Variants in PDE1B observed in about 807,000 individuals in gnomAD.
PDE1B encodes the protein dual specificity calcium/calmodulin-dependent 3',5'-cyclic nucleotide phosphodiesterase 1B.
Under a neutral mutation model 66.7 loss-of-function variants are expected in PDE1B, and 13 were observed. The observed-to-expected ratio is 0.19, with a 90% CI of 0.13 to 0.31. The LOEUF is 0.31. Among genes scored for constraint, PDE1B ranks in the 10% least tolerant of loss-of-function variants. The probability of loss-of-function intolerance (pLI) is 1.00; values close to 1 mark genes in which losing one functional copy is unlikely to be tolerated. For missense variants in PDE1B, 485 were observed against 682.3 expected (o/e 0.71, Z 3.22); for synonymous variants, 230 against 253.9 (o/e 0.91, Z 0.90).
chr12:54,550,003 G>C lies in PDE1B; in HGVS notation c.113+18G>C. On this transcript the variant is annotated intron_variant, in intron 2 of 15. Transcript: ENST00000243052. Reference sequence around the variant, plus strand: ...CGGTCTCTGTAAGTCCCCGGCCCGGGAATGGGGGGAAGGGACCTTAGGGAG... The same window carrying C: ...CGGTCTCTGTAAGTCCCCGGCCCGGCAATGGGGGGAAGGGACCTTAGGGAG... 1 of 1,612,640 alleles carries C rather than the reference G, an allele frequency of 6.2e-7. No individual in the cohort carries two copies. The highest frequency in any genetic ancestry group is 8.5e-7 in the Non-Finnish European group (1 of 1,179,156).
rs112086293 is a variant in PDE1B at position 54,567,859 on chromosome 12, TA to T, written c.227+773del. ...TGTAAGATATTCATATATATATATA[TA>T]TATTTTTTTGTTTTGAGACAGAGTT... On this transcript the variant is annotated intron_variant, in intron 3 of 15. Transcript: ENST00000243052. 5.2e-3 allele frequency among the ~76,000 whole-genome samples: 591 copies of T among 113,482 alleles called. 3 individuals are homozygous for T. Among genetic ancestry groups the T allele is most frequent in the African/African-American group, 0.014 (493 of 34,804 alleles). 74.4% of individuals were successfully genotyped at this position (113,482 alleles called of 152,430 possible).
In PDE1B at chr12:54,573,420, T is replaced by C. The variant is rs1448906835; in HGVS notation, c.902T>C (p.Phe301Ser). Residue 301 changes from phenylalanine to serine, a missense_variant, in exon 9 of 16, where the codon TTC becomes TCC. Coordinates refer to ENST00000243052, the MANE Select transcript of PDE1B (RefSeq NM_000924.4). The surrounding 1 kb of genome is among the most constrained non-coding windows in gnomAD (Gnocchi z 5.2). ...VLENHHISSV[F>S]RLMQDDEMNI... ...GAGAATCACCACATCAGCTCTGTTT[T>C]CCGATTGATGCAGGATGATGAGATG... 6.2e-7 allele frequency: 1 copy of C among 1,614,092 alleles called. No individual in the cohort carries two copies.
intron 2 of PDE1B, among the ~76,000 whole-genome samples, chr12:54,563,536 C>G (rs1472599421): frequency 6.6e-6 from 1 of 152,220 alleles, no homozygotes; most frequent in Admixed American, 6.5e-5. Flanking sequence ...TTACCAGCCT[C>G]AATCCAAACC....
At chr12:54,553,983 T>C (rs1312354557) in intron 2 of PDE1B, among the ~76,000 whole-genome samples, 1 of 152,222 alleles carries the variant, frequency 6.6e-6, no homozygotes, top group Non-Finnish European at 1.5e-5. Context: ...GCATGTGTAA[T>C]AATAAATATA....
chr12:54,572,492 C>A, intron 6 of PDE1B, 109 bp from the exon 7 acceptor site: 1 of 1,045,314 alleles, frequency 9.6e-7, no homozygotes, highest in Non-Finnish European at 1.5e-6. Flanking sequence ...GTTCTGTGCT[C>A]TCTCCCTATG....
At chr12:54,577,621 CCGCA>C in intron 15 of PDE1B, 1 of 1,428,154 alleles carries the variant, frequency 7.0e-7, no homozygotes, top group Non-Finnish European at 9.3e-7. Context: ...CTAACCTGCA[CCGCA>C]CCTTAGGGAG....
rs143164251 is a variant in PDE1B, at chr12:54,570,442, C to T, written c.594+85C>T. On this transcript the variant is annotated intron_variant, in intron 6 of 15. Coordinates refer to ENST00000243052, the MANE Select transcript of PDE1B (RefSeq NM_000924.4). ...CTAAAAGCCTCCCAACAAACAGATT[C>T]CATAGATCCCCTCACTCAGTCTCAA... 3.9e-4 allele frequency: 314 copies of T among 797,768 alleles called. 1 individual carries two copies. The African/African-American group carries it at 4.9e-3, about 12-fold the overall frequency. 49.4% of individuals were successfully genotyped at this position (797,768 alleles called of 1,614,324 possible).
chr12:54,561,240 CAAAAGAG>C (rs1957405756), intron 2 of PDE1B, among the ~76,000 whole-genome samples: 1 of 152,118 alleles, frequency 6.6e-6, no homozygotes, highest in Non-Finnish European at 1.5e-5. Context: ...CCCTTTTTCC[CAAAAGAG>C]GAGCCCCACC....
intron 3 of PDE1B, 42 bp downstream of exon 3, chr12:54,567,129 C>A: frequency 9.7e-7 from 1 of 1,031,248 alleles, no homozygotes; most frequent in Non-Finnish European, 1.5e-6. Flanking sequence ...AGATGTCAGA[C>A]ATAGTGTTCC....
Position 54,569,248 on chromosome 12 carries a change from C to T in PDE1B, c.292C>T (p.Arg98Trp), listed in dbSNP as rs1324446563. ...GTCAGATGCCGTGCCTTCGGAGGTG[C>T]GGGACTGGCTGGCCTCCACCTTCAC... Reference protein sequence around the residue: ...LRSDAVPSEVRDWLASTFTQQ... With the variant: ...LRSDAVPSEVWDWLASTFTQQ... The change falls in exon 4 of 16, where the codon CGG becomes TGG. Residue 98 changes from arginine (R) to tryptophan (W), a missense_variant. Physicochemically the swap from Arg to Trp is moderately radical, Grantham distance 101 (BLOSUM62 -3). Coordinates refer to ENST00000243052, the MANE Select transcript of PDE1B (RefSeq NM_000924.4). The surrounding 1 kb of genome is among the most constrained non-coding windows in gnomAD (Gnocchi z 4.4). The T allele has an allele frequency of 6.2e-7, 1 of 1,613,814 alleles. No individual in the cohort carries two copies. The highest frequency in any genetic ancestry group is 8.5e-7 in the Non-Finnish European group (1 of 1,179,826).
At chr12:54,560,344 C>G (rs1957388886) in intron 2 of PDE1B, among the ~76,000 whole-genome samples, 1 of 152,202 alleles carries the variant, frequency 6.6e-6, no homozygotes, top group East Asian at 1.9e-4. Flanking sequence ...AAAATCCTAG[C>G]TCTTGGCCTG....
chr12:54,576,208 A>C, intron 13 of PDE1B, 108 bp downstream of exon 13: 1 of 754,876 alleles, frequency 1.3e-6, no homozygotes, highest in South Asian at 1.5e-5. Flanking sequence ...GGTGGTGGGG[A>C]GGCAGACTGC....
chr12:54,555,698 C>T (rs529962108), intron 2 of PDE1B, among the ~76,000 whole-genome samples: 31 of 152,252 alleles, frequency 2.0e-4, no homozygotes, highest in South Asian at 8.3e-4. Context: ...TTAAAGGAAT[C>T]CTTGAGAATT....
intron 2 of PDE1B, among the ~76,000 whole-genome samples, chr12:54,566,242 A>G (rs1957513628): frequency 6.6e-6 from 1 of 152,152 alleles, no homozygotes; most frequent in Non-Finnish European, 1.5e-5. Context: ...TTATCCTGGA[A>G]GAAGCTTCAG....
At chr12:54,557,651 A>G (rs921914716) in intron 2 of PDE1B, among the ~76,000 whole-genome samples, 3 of 152,258 alleles carry the variant, frequency 2.0e-5, no homozygotes, top group African/African-American at 7.2e-5. Flanking sequence ...ACTTGCAGTC[A>G]GACTCTTGCT....
chr12:54,579,047 T>G lies in PDE1B; in HGVS notation c.*1205T>G, dbSNP rs1464748052. On this transcript the variant is annotated 3_prime_UTR_variant, in exon 16 of 16. Transcript: ENST00000243052. ...AGGTGACTGCCCTCCTTCTTTCTTGTAAATACCAACCATGCATTTGTACAG... is the reference window on the plus strand; with the variant it reads ...AGGTGACTGCCCTCCTTCTTTCTTGGAAATACCAACCATGCATTTGTACAG... 6.2e-6 allele frequency: 1 copy of G among 162,004 alleles called. No individual in the cohort carries two copies. The highest frequency in any genetic ancestry group is 2.4e-5 in the African/African-American group (1 of 41,554). The allele number at this position is 162,004 out of a possible 1,614,324, so 10.0% of individuals were successfully genotyped here.
In PDE1B at chr12:54,563,754, A is replaced by G. The variant is rs539474922; in HGVS notation, c.114-3220A>G. On this transcript the variant is annotated intron_variant, in intron 2 of 15. Transcript: ENST00000243052. ...TTATTAATAGCCCTGTGAAATGTTT[A>G]TTATCATCCTTACCACTTTATAGAT... 4.6e-5 allele frequency among the ~76,000 whole-genome samples: 7 copies of G among 152,330 alleles called. No individual in the cohort carries two copies. The South Asian group carries it at 1.4e-3, about 32-fold the overall frequency.
intron 3 of PDE1B, among the ~76,000 whole-genome samples, chr12:54,568,361 C>T (rs1241980745): frequency 6.6e-6 from 1 of 151,744 alleles, no homozygotes; most frequent in Non-Finnish European, 1.5e-5. Context: ...ACTTGGGAGG[C>T]TGAGGGGGGA....
rs771098882 is a variant in PDE1B, at chr12:54,576,605, G to C, written c.1411G>C (p.Val471Leu). ...QWRQPSLDVE[V>L]GDPNPDVVSF... ...GCGCCAGCCCTCTCTGGATGTGGAA[G>C]TGGGAGACCCCAACCCTGATGTGGT... The change falls in exon 14 of 16, where the codon GTG becomes CTG. Residue 471 changes from valine to leucine, a missense_variant. Coordinates refer to ENST00000243052, the MANE Select transcript of PDE1B (RefSeq NM_000924.4). 6.2e-7 allele frequency: 1 copy of C among 1,614,110 alleles called. No individual in the cohort carries two copies. Among genetic ancestry groups the C allele is most frequent in the Admixed American group, 1.7e-5 (1 of 60,024 alleles).
Sources: allele counts gnomAD v4.1 joint callset (sites outside exome capture counted in the v4.1 genomes callset), GRCh38; gene constraint gnomAD v4.1.1; non-coding constraint Gnocchi (gnomAD v3.1); transcripts MANE v1.5; gene names NCBI Gene and HGNC (gene_info 2026-07-23, HGNC 2026-07-21).